DNAJC24: variants seen among roughly 807,000 people sequenced by gnomAD.
The protein encoded by DNAJC24 is DnaJ heat shock protein family (Hsp40) member C24, also known as dnaJ homolog subfamily C member 24.
In DNAJC24, 17 loss-of-function variants were observed where a neutral mutation model predicts 18.0. That is an observed-to-expected ratio of 0.94 (90% CI 0.65 to 1.42). The LOEUF is 1.42. Among genes scored for constraint, DNAJC24 ranks in the 40% most tolerant of loss-of-function variants. The pLI, the probability that DNAJC24 is intolerant of heterozygous loss-of-function variation, is 0.00. For synonymous variants in DNAJC24, 55 were observed against 57.7 expected, an observed-to-expected ratio of 0.95 and a Z score of 0.21; for missense variants, 158 against 175.6, an observed-to-expected ratio of 0.90 and a Z score of 0.57.
intron 2 of DNAJC24, among the ~76,000 whole-genome samples, chr11:31,391,454 A>T (rs1353458414): frequency 6.6e-6 from 1 of 152,206 alleles, no homozygotes; most frequent in African/African-American, 2.4e-5. Context: ...AACTTAATAG[A>T]CATTTCTTCA....
intron 2 of DNAJC24, among the ~76,000 whole-genome samples, chr11:31,407,106 T>C (rs1471008813): frequency 1.3e-5 from 2 of 152,202 alleles, no homozygotes; most frequent in East Asian, 1.9e-4. Flanking sequence ...TAGCATCCTA[T>C]TGATGGTACT....
At position 31,373,495 on chromosome 11, in the gene DNAJC24, C is replaced by T. The variant is rs1447497464; in HGVS notation, c.111+2636C>T. ...TTTACTAATACCTCCATCTTGATTA[C>T]TGTAGATTTATAATCAGTCTCAAAG... On this transcript the variant is annotated intron_variant, in intron 2 of 4. Transcript: ENST00000465995. Among the ~76,000 whole-genome samples, 2 of 135,280 alleles carry T rather than the reference C, an allele frequency of 1.5e-5. 1 individual carries two copies. Among genetic ancestry groups the T allele is most frequent in the Non-Finnish European group, 3.4e-5 (2 of 58,466 alleles). The allele number at this position is 135,280 out of a possible 152,430, so 88.7% of individuals were successfully genotyped here.
chr11:31,387,570 C>T (rs749769827), intron 2 of DNAJC24, among the ~76,000 whole-genome samples: 11 of 152,170 alleles, frequency 7.2e-5, no homozygotes, highest in Non-Finnish European at 1.3e-4. Flanking sequence ...TGAAGATATA[C>T]GAGCAGTGAC....
intron 2 of DNAJC24, among the ~76,000 whole-genome samples, chr11:31,401,157 C>G (rs976139396): frequency 2.0e-5 from 3 of 152,088 alleles, no homozygotes; most frequent in Admixed American, 2.0e-4. Context: ...TAGTGAAATG[C>G]AAATCAAAAC....
At chr11:31,391,549 A>G (rs1458486793) in intron 2 of DNAJC24, among the ~76,000 whole-genome samples, 1 of 152,218 alleles carries the variant, frequency 6.6e-6, no homozygotes, top group Non-Finnish European at 1.5e-5. Flanking sequence ...AATCAAAACT[A>G]TGAAGTGATG....
chr11:31,431,190 T>C lies in DNAJC24; in HGVS notation c.*789T>C, dbSNP rs949091297. The C allele has an allele frequency of 1.2e-4, 18 of 151,850 alleles. No individual in the cohort carries two copies. The highest frequency in any genetic ancestry group is 4.4e-4 in the African/African-American group (18 of 41,312). The allele number at this position is 151,850 out of a possible 1,614,324, so 9.4% of individuals were successfully genotyped here. ...GCCCACCACCATGCCCAGCTAATTT[T>C]TGTATTTTTAGTAGAGATGGGGTTC... is the stretch of plus-strand genomic sequence containing the variant. On this transcript the variant is annotated 3_prime_UTR_variant, in exon 5 of 5. Coordinates refer to ENST00000465995, the MANE Select transcript of DNAJC24 (RefSeq NM_181706.5).
chr11:31,398,404 A>C (rs1223874734), intron 2 of DNAJC24, among the ~76,000 whole-genome samples: 1 of 152,150 alleles, frequency 6.6e-6, no homozygotes, highest in Non-Finnish European at 1.5e-5. Context: ...GTATACCTAT[A>C]TATGTTAGTA....
chr11:31,378,759 G>A (rs1419635810), intron 2 of DNAJC24, among the ~76,000 whole-genome samples: 1 of 152,004 alleles, frequency 6.6e-6, no homozygotes, highest in African/African-American at 2.4e-5. Flanking sequence ...GAAAAGTTAA[G>A]CGTGAGCTCT....
At chr11:31,407,458 G>A (rs1028703595) in intron 2 of DNAJC24, 2 of 151,774 alleles carry the variant, frequency 1.3e-5, no homozygotes, top group Non-Finnish European at 2.9e-5. Context: ...TTCACAAGGT[G>A]GATGGATTAC....
chr11:31,378,472 C>A (rs1423338709), intron 2 of DNAJC24, among the ~76,000 whole-genome samples: 1 of 152,132 alleles, frequency 6.6e-6, no homozygotes, highest in Admixed American at 6.6e-5. Context: ...CTTGTAATCA[C>A]TTCATGTGAA....
intron 2 of DNAJC24, among the ~76,000 whole-genome samples, chr11:31,382,284 C>G (rs1952384595): frequency 6.6e-6 from 1 of 152,114 alleles, no homozygotes; most frequent in Non-Finnish European, 1.5e-5. Context: ...AATGACTTAC[C>G]TCTCTTAGAC....
intron 2 of DNAJC24, among the ~76,000 whole-genome samples, chr11:31,397,998 T>C (rs868421149): frequency 6.6e-6 from 1 of 152,070 alleles, no homozygotes; most frequent in South Asian, 2.1e-4. Flanking sequence ...AGATGGGATT[T>C]CATCATGTTG....
chr11:31,377,085 G>A (rs1309105552), intron 2 of DNAJC24, among the ~76,000 whole-genome samples: 1 of 152,066 alleles, frequency 6.6e-6, no homozygotes, highest in Non-Finnish European at 1.5e-5. Flanking sequence ...AAAACAGTTG[G>A]AGAATAAAAT....
At chr11:31,388,317 A>G (rs1952451462) in intron 2 of DNAJC24, among the ~76,000 whole-genome samples, 1 of 152,190 alleles carries the variant, frequency 6.6e-6, no homozygotes, top group Non-Finnish European at 1.5e-5. Flanking sequence ...AAGATATTTA[A>G]TAATCAGATT....
intron 4 of DNAJC24, among the ~76,000 whole-genome samples, chr11:31,428,383 C>T (rs1041211319): frequency 5.9e-5 from 9 of 152,086 alleles, no homozygotes; most frequent in Non-Finnish European, 1.0e-4. Context: ...AACCATTATT[C>T]TTGTAGAAAT....
chr11:31,421,826 A>C (rs1254319966), intron 3 of DNAJC24: 1 of 201,868 alleles, frequency 5.0e-6, no homozygotes, highest in Non-Finnish European at 1.0e-5. Flanking sequence ...GCTGAAAAAA[A>C]ACCTTTCCTC....
intron 2 of DNAJC24, among the ~76,000 whole-genome samples, chr11:31,395,133 C>T (rs1482193060): frequency 6.6e-6 from 1 of 152,146 alleles, no homozygotes; most frequent in Non-Finnish European, 1.5e-5. Context: ...ACATGCAGTA[C>T]TTGGTTTTCT....
intron 2 of DNAJC24, among the ~76,000 whole-genome samples, chr11:31,413,641 A>G (rs1395367546): frequency 2.6e-5 from 4 of 152,080 alleles, no homozygotes; most frequent in Non-Finnish European, 5.9e-5. Flanking sequence ...CATAAATACT[A>G]TCTTTTAATG....
At chr11:31,423,146 A>G (rs966777374) in intron 3 of DNAJC24, among the ~76,000 whole-genome samples, 1 of 152,208 alleles carries the variant, frequency 6.6e-6, no homozygotes, top group African/African-American at 2.4e-5. Flanking sequence ...TCAACACACT[A>G]CCTTTAAAAC....
Sources: gnomAD v4.1 joint callset for allele counts (sites outside exome capture counted in the v4.1 genomes callset) on GRCh38, gnomAD v4.1.1 for gene constraint, MANE v1.5 for transcripts, NCBI Gene and HGNC (gene_info 2026-07-23, HGNC 2026-07-21) for gene names.